FGD5: variants seen among roughly 807,000 people sequenced by gnomAD.
FGD5 encodes the protein FYVE, RhoGEF and PH domain containing 5, also known as FYVE, RhoGEF and PH domain-containing protein 5.
A neutral mutation model predicts 133.4 loss-of-function variants in FGD5; 28 were observed. The ratio of observed to expected loss-of-function variants is 0.21; its 90% CI spans 0.16 to 0.29. The LOEUF (loss-of-function observed/expected upper bound fraction) is 0.29, where lower values mean the gene tolerates loss of function less well. Ranked by LOEUF, FGD5 falls within the 10% of genes least tolerant of loss-of-function variation. The pLI is 1.00. For missense variants in FGD5, 1,858 were observed against 1,895.2 expected (o/e 0.98, Z 0.36); for synonymous variants, 810 against 776.5 (o/e 1.04, Z -0.72).
chr3:14,909,828 C>T (rs760091189), intron 10 of FGD5, among the ~76,000 whole-genome samples: 58 of 146,934 alleles, frequency 3.9e-4, no homozygotes, highest in Admixed American at 1.4e-3. Context: ...AGTTCAGTGG[C>T]TATCTAGACT....
chr3:14,815,028 T>A (rs1006171107), upstream of FGD5, among the ~76,000 whole-genome samples: 13 of 151,982 alleles, frequency 8.6e-5, no homozygotes, highest in African/African-American at 3.1e-4. Context: ...ATTGCAGGAG[T>A]CTCCTCACTG....
chr3:14,814,267 A>G (rs1474969147), upstream of FGD5, among the ~76,000 whole-genome samples: 3 of 152,204 alleles, frequency 2.0e-5, no homozygotes, highest in East Asian at 1.9e-4. Context: ...GATTTAGCCT[A>G]TAGTTTCGCC....
intron 1 of FGD5, among the ~76,000 whole-genome samples, chr3:14,860,802 C>CT (rs1284798846): frequency 6.4e-5 from 9 of 139,660 alleles, no homozygotes; most frequent in East Asian, 3.5e-4. Flanking sequence ...AGTGAGACCC[C>CT]TTTTTTAAAA....
At chr3:14,918,964 G>C (rs890052256) in intron 13 of FGD5, 131 bp downstream of exon 13, 2 of 964,154 alleles carry the variant, frequency 2.1e-6, no homozygotes, top group East Asian at 2.6e-5. Flanking sequence ...CTGGGTCAAA[G>C]GACTTTTTTT....
At chr3:14,860,807 T>TA (rs1387255238) in intron 1 of FGD5, among the ~76,000 whole-genome samples, 79 of 136,488 alleles carry the variant, frequency 5.8e-4, no homozygotes, top group Admixed American at 1.3e-3. Flanking sequence ...GACCCCTTTT[T>TA]TAAAAAAAAA....
intron 18 of FGD5, chr3:14,932,349 C>G (rs1162047812): frequency 2.2e-6 from 1 of 448,970 alleles, no homozygotes; most frequent in African/African-American, 2.0e-5. Context: ...TCCCAAAGTA[C>G]TGGGATTACA....
At chr3:14,853,078 C>A (rs527393536) in intron 1 of FGD5, among the ~76,000 whole-genome samples, 66 of 152,272 alleles carry the variant, frequency 4.3e-4, no homozygotes, top group African/African-American at 1.5e-3. Flanking sequence ...GACCCCCAGT[C>A]CTCTTGGGCT....
intron 2 of FGD5, among the ~76,000 whole-genome samples, chr3:14,875,476 A>G (rs531626528): frequency 6.6e-6 from 1 of 152,298 alleles, no homozygotes; most frequent in African/African-American, 2.4e-5. Context: ...AGGAAAAAAT[A>G]GAGTGGGCTT....
At chr3:14,818,839 C>T, upstream of FGD5, 3 of 1,149,406 alleles carry the variant, frequency 2.6e-6, no homozygotes, top group Non-Finnish European at 3.4e-6. Flanking sequence ...GGGAGGTGGG[C>T]TTCACATGGA....
At chr3:14,889,065 A>G (rs2037976088) in intron 4 of FGD5, among the ~76,000 whole-genome samples, 2 of 152,214 alleles carry the variant, frequency 1.3e-5, no homozygotes, top group African/African-American at 4.8e-5. Context: ...TAGTAGCTGC[A>G]CCAGCTCCTG....
chr3:14,866,653 A>G (rs1045848765), intron 2 of FGD5, among the ~76,000 whole-genome samples: 10 of 152,228 alleles, frequency 6.6e-5, no homozygotes, highest in Non-Finnish European at 1.3e-4. Context: ...AAATAAGTCT[A>G]AGGAGAACTA....
intron 4 of FGD5, among the ~76,000 whole-genome samples, chr3:14,896,595 C>T (rs1478453829): frequency 6.6e-5 from 10 of 152,010 alleles, no homozygotes; most frequent in Non-Finnish European, 1.2e-4. Context: ...CTCAGCCTCC[C>T]GAGTAGCTGG....
At chr3:14,907,242 G>C (rs1376125346) in intron 9 of FGD5, among the ~76,000 whole-genome samples, 2 of 152,240 alleles carry the variant, frequency 1.3e-5, no homozygotes, top group Non-Finnish European at 2.9e-5. Flanking sequence ...GCTCCACAGA[G>C]TGTGGATCCA....
upstream of FGD5, among the ~76,000 whole-genome samples, chr3:14,815,037 T>C (rs1018424557): frequency 6.6e-6 from 1 of 152,196 alleles, no homozygotes; most frequent in South Asian, 2.1e-4. Context: ...GTCTCCTCAC[T>C]GGTCTCCCTG....
At chr3:14,833,542 A>AT (rs1259496171) in intron 1 of FGD5, among the ~76,000 whole-genome samples, 3 of 152,142 alleles carry the variant, frequency 2.0e-5, no homozygotes, top group African/African-American at 7.2e-5. Flanking sequence ...ATGATCAGTA[A>AT]TTAAGCACAT....
Position 14,933,402 on chromosome 3 carries a change from A to AC in FGD5, c.*238dup, listed in dbSNP as rs2038932235. 1.9e-6 allele frequency: 1 copy of AC among 536,030 alleles called. No individual in the cohort carries two copies. Among genetic ancestry groups the AC allele is most frequent in the East Asian group, 3.0e-5 (1 of 32,988 alleles). The allele number at this position is 536,030 out of a possible 1,614,324, so 33.2% of individuals were successfully genotyped here. A position where few individuals can be genotyped will look rare whatever the true frequency, so the allele number is the denominator to read the frequency against. ...TTCTGTGTTTTCCACCCCTACCCCCACCCGCCACCCAGTAATAAACTATTT... is the reference window on the plus strand; with the variant it reads ...TTCTGTGTTTTCCACCCCTACCCCCACCCCGCCACCCAGTAATAAACTATTT... On this transcript the variant is annotated 3_prime_UTR_variant, in exon 20 of 20. Transcript: ENST00000285046.
chr3:14,922,095 T>G lies in FGD5; in HGVS notation c.3669+78T>G. Reference sequence around the variant, plus strand: ...CCTGGGCGGGCATTGCTGTTGCCACTCACACCCAGATGGACGTGTAGCTCC... The same window carrying G: ...CCTGGGCGGGCATTGCTGTTGCCACGCACACCCAGATGGACGTGTAGCTCC... On this transcript the variant is annotated intron_variant, in intron 14 of 19. Transcript: ENST00000285046. This position sits in a 1 kb window ranked among gnomAD's most constrained non-coding sequence, Gnocchi z 4.1. 7.1e-7 allele frequency: 1 copy of G among 1,409,644 alleles called. No homozygotes were observed. The highest frequency in any genetic ancestry group is 9.8e-7 in the Non-Finnish European group (1 of 1,021,640). 87.3% of individuals were successfully genotyped at this position (1,409,644 alleles called of 1,614,324 possible). A position where few individuals can be genotyped will look rare whatever the true frequency, so the allele number is the denominator to read the frequency against.
chr3:14,866,251 G>T (rs1653259770), intron 2 of FGD5, among the ~76,000 whole-genome samples: 1 of 152,188 alleles, frequency 6.6e-6, no homozygotes, highest in South Asian at 2.1e-4. Flanking sequence ...GCTGTGGGAG[G>T]GTTGAATGGG....
In FGD5 at chr3:14,819,028, T is replaced by A; in HGVS notation, c.-44T>A. On this transcript the variant is annotated 5_prime_UTR_variant, in exon 1 of 20. Coordinates refer to ENST00000285046, the MANE Select transcript of FGD5 (RefSeq NM_152536.4). This position sits in a 1 kb window ranked among gnomAD's most constrained non-coding sequence, Gnocchi z 4.1. ...CTGACGCCAGTGACCGCGCCCAAAT[T>A]CCCTTCCTCAGCCAGGCCCGAGAGT... 6.7e-7 allele frequency: 1 copy of A among 1,496,222 alleles called. No homozygotes were observed. Among genetic ancestry groups the A allele is most frequent in the South Asian group, 1.3e-5 (1 of 76,496 alleles). The allele number at this position is 1,496,222 out of a possible 1,614,324, so 92.7% of individuals were successfully genotyped here.
Sources: allele counts gnomAD v4.1 joint callset (sites outside exome capture counted in the v4.1 genomes callset), GRCh38; gene constraint gnomAD v4.1.1; non-coding constraint Gnocchi (gnomAD v3.1); transcripts MANE v1.5; gene names NCBI Gene and HGNC (gene_info 2026-07-23, HGNC 2026-07-21).